Variants in KHDRBS3 observed in about 807,000 individuals in gnomAD.
KHDRBS3 encodes the protein KH domain-containing, RNA-binding, signal transduction-associated protein 3.
In KHDRBS3, 23 loss-of-function variants were observed where a neutral mutation model predicts 45.6. That is an observed-to-expected ratio of 0.50 (90% CI 0.36 to 0.72). The LOEUF (loss-of-function observed/expected upper bound fraction) is 0.72. KHDRBS3 is among the 30% of genes least tolerant of loss of function. The probability of loss-of-function intolerance (pLI) is 0.00; values close to 1 mark genes in which losing one functional copy is unlikely to be tolerated. For synonymous variants in KHDRBS3, 162 were observed against 156.5 expected, an observed-to-expected ratio of 1.04 and a Z score of -0.26; for missense variants, 352 against 424.8, an observed-to-expected ratio of 0.83 and a Z score of 1.51.
At chr8:135,531,821 G>A (rs889427643) in intron 2 of KHDRBS3, among the ~76,000 whole-genome samples, 4 of 152,108 alleles carry the variant, frequency 2.6e-5, no homozygotes, top group African/African-American at 4.8e-5. Flanking sequence ...CATAACATTC[G>A]TGTAAATCAT....
intron 1 of KHDRBS3, among the ~76,000 whole-genome samples, chr8:135,479,647 C>G (rs562654063): frequency 6.6e-6 from 1 of 152,292 alleles, no homozygotes; most frequent in East Asian, 1.9e-4. Context: ...TTTCACAAGC[C>G]TCTGTTGGCA....
At chr8:135,513,194 C>T (rs534500202) in intron 1 of KHDRBS3, among the ~76,000 whole-genome samples, 1 of 150,838 alleles carries the variant, frequency 6.6e-6, no homozygotes, top group South Asian at 2.1e-4. Flanking sequence ...AGCAAGACTC[C>T]GTCTCAAAAA....
chr8:135,527,777 A>G (rs1825267683), intron 2 of KHDRBS3, among the ~76,000 whole-genome samples: 1 of 152,228 alleles, frequency 6.6e-6, no homozygotes, highest in Non-Finnish European at 1.5e-5. Context: ...AAGAAAAGTC[A>G]AGATACAGAA....
intron 7 of KHDRBS3, among the ~76,000 whole-genome samples, chr8:135,620,079 T>TG (rs1830074272): frequency 6.6e-6 from 1 of 151,932 alleles, no homozygotes; most frequent in Non-Finnish European, 1.5e-5. Context: ...CCTTTTTTTT[T>TG]TTTTTTTAAT....
chr8:135,608,425 G>A (rs1829563591), intron 7 of KHDRBS3, among the ~76,000 whole-genome samples: 1 of 152,082 alleles, frequency 6.6e-6, no homozygotes, highest in Non-Finnish European at 1.5e-5. Flanking sequence ...CATAAGTTCT[G>A]TAAGGCCTTA....
chr8:135,559,218 T>G (rs1827048099), intron 5 of KHDRBS3, among the ~76,000 whole-genome samples: 1 of 152,230 alleles, frequency 6.6e-6, no homozygotes, highest in African/African-American at 2.4e-5. Context: ...AAATTTCTTT[T>G]TCTAGATAAG....
At chr8:135,602,974 T>C (rs1347754757) in intron 6 of KHDRBS3, among the ~76,000 whole-genome samples, 2 of 152,232 alleles carry the variant, frequency 1.3e-5, no homozygotes, top group African/African-American at 4.8e-5. Context: ...ACCTCCATTG[T>C]TTTTCACCTG....
chr8:135,544,162 C>A (rs761392246), intron 3 of KHDRBS3, among the ~76,000 whole-genome samples: 4 of 152,122 alleles, frequency 2.6e-5, no homozygotes, highest in Non-Finnish European at 5.9e-5. Context: ...TGGTAATGGG[C>A]TGCACGATAT....
chr8:135,586,063 T>C (rs764653647), intron 6 of KHDRBS3, among the ~76,000 whole-genome samples: 7 of 152,210 alleles, frequency 4.6e-5, no homozygotes, highest in Non-Finnish European at 8.8e-5. Flanking sequence ...AAACCTACTG[T>C]AAATCTCATC....
At chr8:135,463,754 G>A (rs1163292775) in intron 1 of KHDRBS3, among the ~76,000 whole-genome samples, 4 of 152,142 alleles carry the variant, frequency 2.6e-5, no homozygotes, top group Non-Finnish European at 5.9e-5. Context: ...GATTGAAACC[G>A]CAAATTGAGT....
chr8:135,515,809 A>G (rs1452928166), intron 1 of KHDRBS3, among the ~76,000 whole-genome samples: 1 of 152,196 alleles, frequency 6.6e-6, no homozygotes, highest in African/African-American at 2.4e-5. Flanking sequence ...CGTGGTTAAG[A>G]GATTTAAAGC....
intron 1 of KHDRBS3, among the ~76,000 whole-genome samples, chr8:135,519,823 A>G (rs950347104): frequency 6.6e-6 from 1 of 152,212 alleles, no homozygotes; most frequent in Non-Finnish European, 1.5e-5. Flanking sequence ...GGGAGGCTGC[A>G]TATTAGGATG....
intron 1 of KHDRBS3, among the ~76,000 whole-genome samples, chr8:135,500,821 A>G (rs1823700488): frequency 6.6e-6 from 1 of 152,222 alleles, no homozygotes; most frequent in African/African-American, 2.4e-5. Flanking sequence ...TAAATGCTAC[A>G]AAGTAGTATA....
chr8:135,585,154 G>A (rs369442538), intron 6 of KHDRBS3, among the ~76,000 whole-genome samples: 6 of 150,712 alleles, frequency 4.0e-5, no homozygotes, highest in African/African-American at 9.8e-5. Flanking sequence ...GCTTGAACCC[G>A]GCAGGTGGAG....
chr8:135,486,996 A>G (rs1471206636), intron 1 of KHDRBS3, among the ~76,000 whole-genome samples: 1 of 152,232 alleles, frequency 6.6e-6, no homozygotes, highest in Admixed American at 6.5e-5. Flanking sequence ...TATTTTGACC[A>G]TAAACCTTTA....
intron 1 of KHDRBS3, among the ~76,000 whole-genome samples, chr8:135,483,171 T>C (rs761176976): frequency 3.7e-4 from 56 of 152,356 alleles, no homozygotes; most frequent in Non-Finnish European, 6.6e-4. Flanking sequence ...ATTGTATTTA[T>C]TAATTAAATA....
At chr8:135,599,819 C>T (rs1416063617) in intron 6 of KHDRBS3, among the ~76,000 whole-genome samples, 2 of 152,252 alleles carry the variant, frequency 1.3e-5, no homozygotes, top group Admixed American at 1.3e-4. Flanking sequence ...AAGGTGATGT[C>T]AGAGGAAACA....
At chr8:135,570,646 AG>A (rs1240289325) in intron 5 of KHDRBS3, among the ~76,000 whole-genome samples, 1 of 152,202 alleles carries the variant, frequency 6.6e-6, no homozygotes, top group Admixed American at 6.5e-5. Flanking sequence ...TTACCTGCTC[AG>A]GCCATTCTCC....
At chr8:135,607,072 A>T (rs900633714) in intron 7 of KHDRBS3, 35 bp downstream of exon 7, 2 of 1,491,120 alleles carry the variant, frequency 1.3e-6, no homozygotes, top group African/African-American at 2.8e-5. Context: ...ACCCCACAAC[A>T]GAAACCATCC....
Sources: gnomAD v4.1 joint callset for allele counts (sites outside exome capture counted in the v4.1 genomes callset) on GRCh38, gnomAD v4.1.1 for gene constraint, MANE v1.5 for transcripts, NCBI Gene and HGNC (gene_info 2026-07-23, HGNC 2026-07-21) for gene names.